The following ARHGAP15 variants were observed in gnomAD, a reference collection of about 807,000 sequenced individuals.
The protein encoded by ARHGAP15 is Rho GTPase activating protein 15, also known as rho GTPase-activating protein 15.
Under a neutral mutation model 63.7 loss-of-function variants are expected in ARHGAP15, and 51 were observed. The ratio of observed to expected loss-of-function variants is 0.80; its 90% CI spans 0.64 to 1.01. ARHGAP15 has a LOEUF of 1.01. Ranked by LOEUF, ARHGAP15 falls within the 50% of genes least tolerant of loss-of-function variation. The probability of loss-of-function intolerance (pLI) is 0.00; values close to 1 mark genes in which losing one functional copy is unlikely to be tolerated. For missense variants in ARHGAP15, 560 were observed against 564.6 expected (o/e 0.99, Z 0.08); for synonymous variants, 191 against 193.8 (o/e 0.99, Z 0.12).
At chr2:143,257,279 C>T (rs926237704) in intron 6 of ARHGAP15, among the ~76,000 whole-genome samples, 1 of 152,008 alleles carries the variant, frequency 6.6e-6, no homozygotes, top group African/African-American at 2.4e-5. Flanking sequence ...AACCGGATGA[C>T]AGTAAAGATT....
intron 6 of ARHGAP15, among the ~76,000 whole-genome samples, chr2:143,327,567 T>G (rs1476840117): frequency 6.6e-6 from 1 of 151,636 alleles, no homozygotes; most frequent in Non-Finnish European, 1.5e-5. Flanking sequence ...CAATGGAACA[T>G]AACAGAGGAC....
intron 6 of ARHGAP15, among the ~76,000 whole-genome samples, chr2:143,266,873 C>G (rs931354323): frequency 9.9e-5 from 15 of 152,138 alleles, no homozygotes; most frequent in African/African-American, 3.6e-4. Context: ...TGTATGGCCC[C>G]TGTATCAGCC....
intron 11 of ARHGAP15, among the ~76,000 whole-genome samples, chr2:143,609,287 C>T (rs1444291833): frequency 6.6e-6 from 1 of 152,174 alleles, no homozygotes; most frequent in African/African-American, 2.4e-5. Context: ...TTTTCTACCA[C>T]CTTTTTGCTT....
At chr2:143,380,225 A>G (rs1054269777) in intron 6 of ARHGAP15, among the ~76,000 whole-genome samples, 11 of 152,136 alleles carry the variant, frequency 7.2e-5, no homozygotes, top group Non-Finnish European at 4.4e-5. Flanking sequence ...ATAATGTAGT[A>G]TAGTAGGAAG....
chr2:143,338,431 CAG>C (rs1196118647), intron 6 of ARHGAP15, among the ~76,000 whole-genome samples: 3 of 152,126 alleles, frequency 2.0e-5, no homozygotes, highest in South Asian at 4.1e-4. Context: ...CTATTTATCT[CAG>C]AGACTAGAAT....
intron 1 of ARHGAP15, among the ~76,000 whole-genome samples, chr2:143,130,093 T>A (rs1473614817): frequency 6.6e-6 from 1 of 152,108 alleles, no homozygotes; most frequent in Non-Finnish European, 1.5e-5. Flanking sequence ...AAGCAAACTT[T>A]TATATTTAAA....
intron 6 of ARHGAP15, among the ~76,000 whole-genome samples, chr2:143,330,111 A>C (rs1207615267): frequency 5.8e-5 from 5 of 85,968 alleles, no homozygotes; most frequent in East Asian, 3.4e-4. Flanking sequence ...AAAAAAAAAA[A>C]AAAAAAAAAA....
At chr2:143,187,605 C>A (rs564249341) in intron 2 of ARHGAP15, among the ~76,000 whole-genome samples, 1 of 152,282 alleles carries the variant, frequency 6.6e-6, no homozygotes, top group South Asian at 2.1e-4. Context: ...GACACAGAGA[C>A]GTTAAACGAA....
chr2:143,167,177 T>A (rs1410811734), intron 2 of ARHGAP15, among the ~76,000 whole-genome samples: 1 of 152,158 alleles, frequency 6.6e-6, no homozygotes, highest in Admixed American at 6.6e-5. Flanking sequence ...TGACTGAGCA[T>A]TGTCCTTCAA....
chr2:143,597,093 C>A (rs916551637), intron 11 of ARHGAP15, among the ~76,000 whole-genome samples: 6 of 151,904 alleles, frequency 3.9e-5, no homozygotes, highest in Admixed American at 2.0e-4. Flanking sequence ...CCTCTTCCTA[C>A]CCCTCCCTCA....
At chr2:143,347,731 A>G (rs1685358466) in intron 6 of ARHGAP15, among the ~76,000 whole-genome samples, 3 of 151,302 alleles carry the variant, frequency 2.0e-5, no homozygotes, top group Admixed American at 1.3e-4. Flanking sequence ...CAACCTCTTT[A>G]CTCTTTGTGC....
chr2:143,180,831 G>A (rs35443988), intron 2 of ARHGAP15, among the ~76,000 whole-genome samples: 4,494 of 152,016 alleles, frequency 0.03, 99 homozygotes, highest in Middle Eastern at 0.11. Context: ...CCACCAACAC[G>A]CCAGGCTAAT....
intron 11 of ARHGAP15, among the ~76,000 whole-genome samples, chr2:143,572,266 T>C (rs1314824404): frequency 1.3e-5 from 2 of 152,160 alleles, no homozygotes; most frequent in Non-Finnish European, 2.9e-5. Context: ...CTACCTGGCT[T>C]AAAATCATCA....
chr2:143,626,590 C>G (rs1398322152), intron 12 of ARHGAP15, among the ~76,000 whole-genome samples: 1 of 152,128 alleles, frequency 6.6e-6, no homozygotes, highest in Admixed American at 6.5e-5. Flanking sequence ...GGGTGGCCAG[C>G]TTTTATTCCC....
chr2:143,333,707 A>G (rs191670347), intron 6 of ARHGAP15, among the ~76,000 whole-genome samples: 133 of 152,326 alleles, frequency 8.7e-4, no homozygotes, highest in African/African-American at 3.1e-3. Flanking sequence ...GCTAAGAGCA[A>G]AAATAAGAGT....
chr2:143,206,918 GTGTT>G (rs1430076821), intron 3 of ARHGAP15, among the ~76,000 whole-genome samples: 2 of 151,972 alleles, frequency 1.3e-5, no homozygotes, highest in African/African-American at 2.4e-5. Flanking sequence ...GTAAATGTCT[GTGTT>G]TGTGTGTGTG....
intron 2 of ARHGAP15, among the ~76,000 whole-genome samples, chr2:143,189,755 C>T (rs1367048143): frequency 6.6e-6 from 1 of 152,124 alleles, no homozygotes; most frequent in African/African-American, 2.4e-5. Context: ...AGCCACCGCA[C>T]CCGGACTTGA....
intron 6 of ARHGAP15, among the ~76,000 whole-genome samples, chr2:143,252,916 T>G (rs1344601774): frequency 6.6e-6 from 1 of 152,104 alleles, no homozygotes; most frequent in African/African-American, 2.4e-5. Flanking sequence ...CATGATTATG[T>G]CTTAAAAACA....
intron 8 of ARHGAP15, among the ~76,000 whole-genome samples, chr2:143,463,635 C>T (rs1691066372): frequency 6.6e-6 from 1 of 152,114 alleles, no homozygotes; most frequent in African/African-American, 2.4e-5. Context: ...ATCCATCCAG[C>T]TATCCTACAT....
Sources: gnomAD v4.1 joint callset for allele counts (sites outside exome capture counted in the v4.1 genomes callset) on GRCh38, gnomAD v4.1.1 for gene constraint, MANE v1.5 for transcripts, NCBI Gene and HGNC (gene_info 2026-07-23, HGNC 2026-07-21) for gene names.